The following CDK13 variants were observed in gnomAD, a reference collection of about 807,000 sequenced individuals.
The protein encoded by CDK13 is cyclin-dependent kinase 13.
A neutral mutation model predicts 137.6 loss-of-function variants in CDK13; 40 were observed. That is an observed-to-expected ratio of 0.29 (90% CI 0.23 to 0.38). The LOEUF is 0.38. Among genes scored for constraint, CDK13 ranks in the 10% least tolerant of loss-of-function variants. The pLI is 1.00. For synonymous variants in CDK13, 869 were observed against 760.1 expected (o/e 1.14, Z -2.36); for missense variants, 1,704 against 1,951.8 (o/e 0.87, Z 2.39).
intron 2 of CDK13, among the ~76,000 whole-genome samples, chr7:39,990,156 G>C (rs1454307798): frequency 6.6e-6 from 1 of 151,994 alleles, no homozygotes; most frequent in Non-Finnish European, 1.5e-5. Flanking sequence ...ACGTATACAT[G>C]TGAGTGCTTA....
intron 5 of CDK13, among the ~76,000 whole-genome samples, chr7:40,030,343 A>C (rs541036771): frequency 6.6e-6 from 1 of 151,954 alleles, no homozygotes; most frequent in Non-Finnish European, 1.5e-5. Flanking sequence ...TGAGAGTGAC[A>C]CAAAAATAAA....
intron 5 of CDK13, among the ~76,000 whole-genome samples, chr7:40,032,202 G>T (rs1374660897): frequency 5.9e-5 from 9 of 152,038 alleles, no homozygotes; most frequent in African/African-American, 1.9e-4. Flanking sequence ...GACCAAAGGC[G>T]CATGCCACTG....
At chr7:40,012,021 C>A (rs1784905276) in intron 5 of CDK13, among the ~76,000 whole-genome samples, 1 of 152,040 alleles carries the variant, frequency 6.6e-6, no homozygotes, top group African/African-American at 2.4e-5. Context: ...CCAATAAGCA[C>A]ATGAAAAGAT....
At chr7:39,997,378 T>C (rs1403625282) in intron 2 of CDK13, 116 bp from the exon 3 acceptor site, 6 of 808,034 alleles carry the variant, frequency 7.4e-6, no homozygotes, top group East Asian at 2.6e-5. Context: ...AATAGTCTTA[T>C]AATGTGAAAT....
chr7:40,088,705 A>G (rs1452098427), intron 12 of CDK13, among the ~76,000 whole-genome samples: 1 of 152,216 alleles, frequency 6.6e-6, no homozygotes, highest in Non-Finnish European at 1.5e-5. Flanking sequence ...GCCAAAAATC[A>G]TAATGAGAGC....
chr7:40,020,102 C>T (rs914934108), intron 5 of CDK13, among the ~76,000 whole-genome samples: 1 of 152,124 alleles, frequency 6.6e-6, no homozygotes, highest in South Asian at 2.1e-4. Context: ...GGGTCTTGCT[C>T]TGTCACCTAG....
At chr7:40,032,925 A>G (rs1735985144) in intron 5 of CDK13, among the ~76,000 whole-genome samples, 1 of 152,236 alleles carries the variant, frequency 6.6e-6, no homozygotes, top group Non-Finnish European at 1.5e-5. Context: ...AATCCACACA[A>G]TAACTTGCTG....
chr7:40,030,035 T>TC (rs1433631817), intron 5 of CDK13, among the ~76,000 whole-genome samples: 1 of 152,132 alleles, frequency 6.6e-6, no homozygotes, highest in Non-Finnish European at 1.5e-5. Context: ...TTTCATTGCA[T>TC]CCCCTACCCC....
chr7:40,051,437 TA>T (rs770348223), intron 7 of CDK13, among the ~76,000 whole-genome samples: 4 of 152,196 alleles, frequency 2.6e-5, no homozygotes, highest in African/African-American at 7.2e-5. Context: ...ATTTTCTAGA[TA>T]TTTTTTGAGA....
intron 1 of CDK13, among the ~76,000 whole-genome samples, chr7:39,970,213 C>T (rs532106409): frequency 6.6e-6 from 1 of 151,818 alleles, no homozygotes; most frequent in East Asian, 2.0e-4. Flanking sequence ...CCATGTTGGC[C>T]AGGCTGGTCT....
chr7:40,001,473 C>A (rs1784683744), intron 4 of CDK13, among the ~76,000 whole-genome samples: 1 of 152,092 alleles, frequency 6.6e-6, no homozygotes, highest in Non-Finnish European at 1.5e-5. Flanking sequence ...CCTCAGCCTC[C>A]CAAAGTGCTG....
At chr7:39,996,840 G>T (rs1784569636) in intron 2 of CDK13, among the ~76,000 whole-genome samples, 1 of 151,632 alleles carries the variant, frequency 6.6e-6, no homozygotes, top group African/African-American at 2.4e-5. Context: ...GCGGGCACCT[G>T]TAATCCCAGC....
At position 39,950,627 on chromosome 7, in the gene CDK13, G is replaced by A. The variant is rs1787119454; in HGVS notation, c.-15G>A. The A allele has an allele frequency of 7.7e-7, 1 of 1,290,926 alleles. No homozygotes were observed. The highest frequency in any genetic ancestry group is 9.8e-7 in the Non-Finnish European group (1 of 1,019,488). The allele number at this position is 1,290,926 out of a possible 1,614,324, so 80.0% of individuals were successfully genotyped here. On this transcript the variant is annotated 5_prime_UTR_variant, in exon 1 of 14. Coordinates refer to ENST00000181839, the MANE Select transcript of CDK13 (RefSeq NM_003718.5). ...AGGCCGCACCCGCGCCGCGCTCTGC[G>A]GCTGGCTCTAGGCGATGCCGAGCAG...
intron 5 of CDK13, among the ~76,000 whole-genome samples, chr7:40,029,994 CAG>C (rs1192352647): frequency 6.6e-6 from 1 of 152,144 alleles, no homozygotes; most frequent in East Asian, 1.9e-4. Context: ...TAAGGACACT[CAG>C]GGTCATTTCT....
chr7:40,005,288 GA>G (rs1336457062), intron 5 of CDK13, among the ~76,000 whole-genome samples: 12 of 74,424 alleles, frequency 1.6e-4, no homozygotes, highest in Middle Eastern at 9.8e-3. Flanking sequence ...TATTTAAAGT[GA>G]ATTTTTTTTT....
chr7:40,094,882 T>G lies in CDK13; in HGVS notation c.4441T>G (p.Trp1481Gly). The stretch of plus-strand genomic sequence containing the variant: ...CCCCAGCCTCATGCATGGACAGACC[T>G]GGACTTCTCCTGCCCAAGGACCTGG... ...SGPSLMHGQT[W>G]TSPAQGPGYS... Residue 1481 changes from tryptophan (W) to glycine (G), a missense_variant, in exon 14 of 14, where the codon TGG becomes GGG. By Grantham distance (184) the Trp-to-Gly change is radical. Around this residue, in one of 5 missense-constraint regions of CDK13, gnomAD observed 475 missense variants for 579.3 expected, o/e 0.82. Transcript: ENST00000181839. The G allele has an allele frequency of 2.0e-6, 3 of 1,520,718 alleles. No individual in the cohort carries two copies. Among genetic ancestry groups the G allele is most frequent in the Non-Finnish European group, 2.6e-6 (3 of 1,136,264 alleles). The allele number at this position is 1,520,718 out of a possible 1,614,324, so 94.2% of individuals were successfully genotyped here.
At chr7:40,059,455 G>A (rs902210397) in intron 7 of CDK13, among the ~76,000 whole-genome samples, 2 of 152,192 alleles carry the variant, frequency 1.3e-5, no homozygotes, top group Non-Finnish European at 2.9e-5. Context: ...TGCCTCCAGG[G>A]TTTAAGCAAT....
In CDK13 at chr7:39,950,336, C is replaced by T. The variant is rs1049641957; in HGVS notation, c.-306C>T. ...CCGGGGGCACTTGGAGGACTCGGGA[C>T]TCCCCCGCAGGTCAGCGCCCGGCGC... On this transcript the variant is annotated 5_prime_UTR_variant, in exon 1 of 14. Coordinates refer to ENST00000181839, the MANE Select transcript of CDK13 (RefSeq NM_003718.5). The T allele has an allele frequency of 2.8e-5, 32 of 1,154,618 alleles. No homozygotes were observed. Among genetic ancestry groups the T allele is most frequent in the Non-Finnish European group, 3.4e-5 (32 of 939,068 alleles). The allele number at this position is 1,154,618 out of a possible 1,614,324, so 71.5% of individuals were successfully genotyped here.
At chr7:40,043,809 C>CA (rs1785669186) in intron 5 of CDK13, among the ~76,000 whole-genome samples, 1 of 145,536 alleles carries the variant, frequency 6.9e-6, no homozygotes, top group Non-Finnish European at 1.5e-5. Flanking sequence ...GTCTGGGTGA[C>CA]AGAGTGAGTG....
Sources: allele counts gnomAD v4.1 joint callset (sites outside exome capture counted in the v4.1 genomes callset), GRCh38; gene constraint gnomAD v4.1.1; regional missense constraint gnomAD v4.1.1; transcripts MANE v1.5; gene names NCBI Gene and HGNC (gene_info 2026-07-23, HGNC 2026-07-21).